ARHGAP24: variants seen among roughly 807,000 people sequenced by gnomAD.
The protein encoded by ARHGAP24 is Rho GTPase activating protein 24.
A neutral mutation model predicts 76.4 loss-of-function variants in ARHGAP24; 50 were observed. That is an observed-to-expected ratio of 0.65 (90% CI 0.52 to 0.83). The LOEUF is 0.83. Among genes scored for constraint, ARHGAP24 ranks in the 40% least tolerant of loss-of-function variants. The pLI is 0.00. For missense variants in ARHGAP24, 930 were observed against 914.2 expected, an observed-to-expected ratio of 1.02 and a Z score of -0.22; for synonymous variants, 345 against 323.3, an observed-to-expected ratio of 1.07 and a Z score of -0.72.
chr4:85,629,805 T>G (rs1049155133), intron 2 of ARHGAP24, among the ~76,000 whole-genome samples: 3 of 152,198 alleles, frequency 2.0e-5, no homozygotes, highest in Non-Finnish European at 4.4e-5. Context: ...TTGATTATAA[T>G]ATGTCTCAGT....
intron 2 of ARHGAP24, among the ~76,000 whole-genome samples, chr4:85,634,462 C>T (rs528421483): frequency 6.6e-6 from 1 of 151,946 alleles, no homozygotes; most frequent in South Asian, 2.1e-4. Context: ...CAGAAGATGT[C>T]TACTGTATAT....
At chr4:85,663,369 G>T (rs1328789348) in intron 2 of ARHGAP24, among the ~76,000 whole-genome samples, 5 of 119,790 alleles carry the variant, frequency 4.2e-5, no homozygotes, top group Non-Finnish European at 9.7e-5. Context: ...CATTGATTTT[G>T]TATCCTGAGA....
chr4:85,554,299 T>C lies in ARHGAP24; in HGVS notation c.-20-16223T>C, dbSNP rs147744054. On this transcript the variant is annotated intron_variant, in intron 1 of 9. Coordinates refer to ENST00000395184, the MANE Select transcript of ARHGAP24 (RefSeq NM_001025616.3). ...CTGTATCTTGAGGATGGTCTTCTTG[T>C]GTAATATCTCATAGAAATTCTCTGC... is the stretch of plus-strand genomic sequence containing the variant. 2.0e-3 allele frequency among the ~76,000 whole-genome samples: 308 copies of C among 152,340 alleles called. 1 individual carries two copies. Among genetic ancestry groups the C allele is most frequent in the Non-Finnish European group, 3.2e-3 (219 of 68,034 alleles).
intron 2 of ARHGAP24, among the ~76,000 whole-genome samples, chr4:85,590,970 G>A (rs376940540): frequency 5.4e-5 from 8 of 149,136 alleles, no homozygotes; most frequent in Admixed American, 5.4e-4. Context: ...AAAATGAAAG[G>A]CTGTACAAAA....
chr4:85,767,674 G>A (rs1280953963), intron 3 of ARHGAP24, among the ~76,000 whole-genome samples: 1 of 152,186 alleles, frequency 6.6e-6, no homozygotes, highest in East Asian at 1.9e-4. Context: ...AAGAAACAAT[G>A]TTTTAAATTT....
chr4:85,524,525 C>T (rs1297863061), intron 1 of ARHGAP24, among the ~76,000 whole-genome samples: 1 of 149,030 alleles, frequency 6.7e-6, no homozygotes, highest in African/African-American at 2.5e-5. Context: ...CTCTGATTCT[C>T]ACAGCCCTGC....
At chr4:85,599,769 T>G (rs1158607483) in intron 2 of ARHGAP24, among the ~76,000 whole-genome samples, 1 of 152,188 alleles carries the variant, frequency 6.6e-6, no homozygotes, top group East Asian at 1.9e-4. Context: ...TCATAATATC[T>G]CCTTAATAAA....
chr4:85,649,026 TG>T (rs1721835247), intron 2 of ARHGAP24, among the ~76,000 whole-genome samples: 1 of 151,874 alleles, frequency 6.6e-6, no homozygotes, highest in South Asian at 2.1e-4. Context: ...TGTGTGTGTG[TG>T]TGTGTGTGTT....
intron 3 of ARHGAP24, among the ~76,000 whole-genome samples, chr4:85,842,568 G>A (rs929114039): frequency 2.8e-4 from 42 of 152,274 alleles, no homozygotes; most frequent in African/African-American, 9.9e-4. Flanking sequence ...CATAAAATGA[G>A]GAGCGATAAA....
chr4:85,826,126 C>T (rs1273375982), intron 3 of ARHGAP24, among the ~76,000 whole-genome samples: 1 of 152,162 alleles, frequency 6.6e-6, no homozygotes, highest in Non-Finnish European at 1.5e-5. Flanking sequence ...CTGTTCTCCA[C>T]CTGTCTCCCT....
At chr4:85,584,870 C>A (rs534887344) in intron 2 of ARHGAP24, among the ~76,000 whole-genome samples, 8 of 152,240 alleles carry the variant, frequency 5.3e-5, no homozygotes, top group African/African-American at 1.7e-4. Flanking sequence ...AATTTAGAGG[C>A]ATCCTGGGGG....
chr4:85,888,422 A>G (rs868075115), intron 3 of ARHGAP24, among the ~76,000 whole-genome samples: 28 of 151,572 alleles, frequency 1.8e-4, no homozygotes, highest in South Asian at 2.1e-4. Context: ...AAAAAAAGAA[A>G]GAAAGAAAAT....
At chr4:85,938,297 G>T (rs1317398567) in intron 4 of ARHGAP24, among the ~76,000 whole-genome samples, 1 of 152,186 alleles carries the variant, frequency 6.6e-6, no homozygotes, top group East Asian at 1.9e-4. Context: ...GTGAAAACTT[G>T]CTGGGAGTTT....
chr4:85,527,505 A>G lies in ARHGAP24; in HGVS notation c.-20-43017A>G, dbSNP rs111785340. On this transcript the variant is annotated intron_variant, in intron 1 of 9. Transcript: ENST00000395184. ...TTTAGATACAATAAGATCACTTTCA[A>G]CCTAGGGAAGCTATTCTTCTTAACG... Among the ~76,000 whole-genome samples, 1,475 of 152,202 alleles carry G rather than the reference A, an allele frequency of 9.7e-3. 13 individuals carry two copies. The highest frequency in any genetic ancestry group is 0.018 in the East Asian group (95 of 5,170).
chr4:85,721,856 G>A (rs1207240402), intron 2 of ARHGAP24, 29 bp from the exon 3 acceptor site: 1 of 1,567,622 alleles, frequency 6.4e-7, no homozygotes, highest in Non-Finnish European at 8.8e-7. Context: ...CTCTGATGAT[G>A]TTGATGTTTT....
rs77047055 is a variant in ARHGAP24, at chr4:85,966,390, A to G, written c.600-5646A>G. ...TTCTACTGGGACAAGCACTAGTTCA[A>G]TGTAGTCCAGCACTTAGCCTGGAGG... On this transcript the variant is annotated intron_variant, in intron 5 of 9. Transcript: ENST00000395184. Among the ~76,000 whole-genome samples the G allele has an allele frequency of 1.5e-4, 23 of 152,266 alleles. No individual in the cohort carries two copies. The East Asian group carries it at 4.1e-3, about 27-fold the overall frequency.
At chr4:85,792,172 G>A (rs1728161210) in intron 3 of ARHGAP24, among the ~76,000 whole-genome samples, 1 of 151,974 alleles carries the variant, frequency 6.6e-6, no homozygotes, top group Admixed American at 6.6e-5. Context: ...AAGCAATTTA[G>A]TAATCAATAA....
chr4:85,495,553 G>A (rs1467752893), intron 1 of ARHGAP24, among the ~76,000 whole-genome samples: 4 of 151,574 alleles, frequency 2.6e-5, no homozygotes, highest in Middle Eastern at 3.4e-3. Flanking sequence ...GGTTTTCACC[G>A]TGTTAGCCAG....
chr4:85,833,018 T>C (rs1304362965), intron 3 of ARHGAP24, among the ~76,000 whole-genome samples: 2 of 152,190 alleles, frequency 1.3e-5, no homozygotes, highest in African/African-American at 2.4e-5. Context: ...AAAGAAGGTA[T>C]ATATGTCAAT....
Sources: allele counts gnomAD v4.1 joint callset (sites outside exome capture counted in the v4.1 genomes callset), GRCh38; gene constraint gnomAD v4.1.1; transcripts MANE v1.5; gene names NCBI Gene and HGNC (gene_info 2026-07-23, HGNC 2026-07-21).